The following AUTS2 variants were observed in gnomAD, a reference collection of about 807,000 sequenced individuals.
AUTS2 encodes the protein activator of transcription and developmental regulator AUTS2, also known as autism susceptibility gene 2 protein.
A neutral mutation model predicts 112.4 loss-of-function variants in AUTS2; 17 were observed. The observed-to-expected ratio is 0.15, with a 90% CI of 0.10 to 0.23. The LOEUF is 0.23. Ranked by LOEUF, AUTS2 falls within the 10% of genes least tolerant of loss-of-function variation. AUTS2 has a pLI of 1.00. For missense variants in AUTS2, 1,510 were observed against 1,701.6 expected (o/e 0.89, Z 1.98); for synonymous variants, 751 against 702.7 (o/e 1.07, Z -1.09).
At chr7:69,996,225 C>T (rs1798938002) in intron 2 of AUTS2, among the ~76,000 whole-genome samples, 1 of 152,274 alleles carries the variant, frequency 6.6e-6, no homozygotes, top group South Asian at 2.1e-4. Flanking sequence ...CATAAATTTG[C>T]AAAACACAGT....
intron 4 of AUTS2, among the ~76,000 whole-genome samples, chr7:70,179,845 A>G (rs566095653): frequency 1.0e-3 from 157 of 152,240 alleles, no homozygotes; most frequent in African/African-American, 3.6e-3. Context: ...TCTGGGTGGT[A>G]TTTTATCTCC....
Position 70,791,747 on chromosome 7 carries a change from C to T in AUTS2, c.*751C>T, listed in dbSNP as rs931584726. On this transcript the variant is annotated 3_prime_UTR_variant, in exon 19 of 19. Transcript: ENST00000342771. ...TTTTCCTTGCTTGTTTTTTTTCAAA[C>T]GGAGAAACATCCTGTTTTGCAAATT... 3 of 152,116 alleles carry T rather than the reference C, an allele frequency of 2.0e-5. No homozygotes were observed. The highest frequency in any genetic ancestry group is 6.5e-5 in the Admixed American group (1 of 15,272). 9.4% of individuals were successfully genotyped at this position (152,116 alleles called of 1,614,324 possible). A position where few individuals can be genotyped will look rare whatever the true frequency, so the allele number is the denominator to read the frequency against.
chr7:70,535,109 T>C (rs1169716392), intron 5 of AUTS2, among the ~76,000 whole-genome samples: 1 of 151,832 alleles, frequency 6.6e-6, no homozygotes, highest in Non-Finnish European at 1.5e-5. Flanking sequence ...ATACCTGGGC[T>C]AGTAAGCTGT....
chr7:69,622,134 ATTCCTT>A (rs2129092121), intron 1 of AUTS2, among the ~76,000 whole-genome samples: 1 of 152,180 alleles, frequency 6.6e-6, no homozygotes, highest in Admixed American at 6.5e-5. Flanking sequence ...TGGTCCTGTG[ATTCCTT>A]TTGTTGTTAC....
chr7:69,950,843 G>A (rs992641697), intron 2 of AUTS2, among the ~76,000 whole-genome samples: 5 of 152,164 alleles, frequency 3.3e-5, no homozygotes, highest in Non-Finnish European at 4.4e-5. Flanking sequence ...CTTAGAAAGG[G>A]TGGATTTGGT....
chr7:70,548,188 G>A (rs1355207477), intron 5 of AUTS2, among the ~76,000 whole-genome samples: 5 of 152,102 alleles, frequency 3.3e-5, no homozygotes, highest in Non-Finnish European at 5.9e-5. Flanking sequence ...AGGGTGTTGA[G>A]CATCTTTTCA....
intron 2 of AUTS2, among the ~76,000 whole-genome samples, chr7:69,909,534 G>A: frequency 6.6e-6 from 1 of 152,042 alleles, no homozygotes; most frequent in East Asian, 1.9e-4. Flanking sequence ...TGGTACTGGG[G>A]GTCAAGTGTG....
At chr7:70,291,786 G>T (rs1402890390) in intron 4 of AUTS2, 2 of 152,094 alleles carry the variant, frequency 1.3e-5, no homozygotes, top group Non-Finnish European at 2.9e-5. Context: ...TGATCAAATG[G>T]ACTAGTAAGC....
chr7:70,600,514 G>T lies in AUTS2; in HGVS notation c.691-98055G>T, dbSNP rs556164730. 5.9e-5 allele frequency among the ~76,000 whole-genome samples: 9 copies of T among 152,330 alleles called. No individual in the cohort carries two copies. The South Asian group carries it at 1.7e-3, about 28-fold the overall frequency. ...TGGTCTCAAACTCCTGACCTGAAGT[G>T]ATCTGCCCACCTCAGCCTCCCAAAG... On this transcript the variant is annotated intron_variant, in intron 5 of 18. Transcript: ENST00000342771.
chr7:69,761,773 G>A (rs140420722), intron 1 of AUTS2, among the ~76,000 whole-genome samples: 1 of 152,280 alleles, frequency 6.6e-6, no homozygotes, highest in East Asian at 1.9e-4. Flanking sequence ...GGAGTTGTGG[G>A]TTAAGTTTCT....
chr7:70,265,733 T>C (rs559900562), intron 4 of AUTS2, among the ~76,000 whole-genome samples: 68 of 152,290 alleles, frequency 4.5e-4, no homozygotes, highest in African/African-American at 1.4e-3. Context: ...TTGACCAACA[T>C]TGAAAACATT....
intron 1 of AUTS2, among the ~76,000 whole-genome samples, chr7:69,826,478 AG>A: frequency 6.6e-6 from 1 of 152,284 alleles, no homozygotes; most frequent in South Asian, 2.1e-4. Context: ...ATGGCATCTC[AG>A]GGTTCTGTCC....
chr7:70,340,403 A>C (rs556595272), intron 4 of AUTS2, among the ~76,000 whole-genome samples: 1 of 152,286 alleles, frequency 6.6e-6, no homozygotes, highest in East Asian at 1.9e-4. Context: ...GAAACTGTTA[A>C]CTGAAAGATC....
chr7:70,497,171 A>G (rs13229311), intron 5 of AUTS2, among the ~76,000 whole-genome samples: 41,502 of 139,168 alleles, frequency 0.3, 6,768 homozygotes, highest in African/African-American at 0.37. Context: ...CACACCACGT[A>G]CACAGGCACA....
chr7:70,204,302 A>G (rs1810458265), intron 4 of AUTS2, among the ~76,000 whole-genome samples: 1 of 152,178 alleles, frequency 6.6e-6, no homozygotes, highest in African/African-American at 2.4e-5. Context: ...TGTTAATATC[A>G]GGTAGTTTGC....
chr7:69,890,052 G>A (rs1357376418), intron 1 of AUTS2, among the ~76,000 whole-genome samples: 1 of 151,956 alleles, frequency 6.6e-6, no homozygotes, highest in Non-Finnish European at 1.5e-5. Flanking sequence ...TTTTCGTCAT[G>A]CTGTATTTCT....
At chr7:69,956,929 C>A (rs1797235230) in intron 2 of AUTS2, among the ~76,000 whole-genome samples, 1 of 152,060 alleles carries the variant, frequency 6.6e-6, no homozygotes, top group Non-Finnish European at 1.5e-5. Context: ...GTGGTGTGAT[C>A]ACAACTCACT....
chr7:69,674,806 T>C (rs1796484451), intron 1 of AUTS2, among the ~76,000 whole-genome samples: 1 of 152,076 alleles, frequency 6.6e-6, no homozygotes, highest in Admixed American at 6.5e-5. Context: ...GCAGGTCAGA[T>C]GGCTAGGGAA....
At chr7:70,546,639 C>G (rs1182436076) in intron 5 of AUTS2, among the ~76,000 whole-genome samples, 1 of 151,610 alleles carries the variant, frequency 6.6e-6, no homozygotes, top group African/African-American at 2.4e-5. Flanking sequence ...ATTAGCCGGG[C>G]ATGGTGGCGG....
Sources: gnomAD v4.1 joint callset for allele counts (sites outside exome capture counted in the v4.1 genomes callset) on GRCh38, gnomAD v4.1.1 for gene constraint, MANE v1.5 for transcripts, NCBI Gene and HGNC (gene_info 2026-07-23, HGNC 2026-07-21) for gene names.